The following NXPE4 variants were observed in gnomAD, a reference collection of about 807,000 sequenced individuals.
The protein encoded by NXPE4 is neurexophilin and PC-esterase domain family member 4, also known as NXPE family member 4.
A neutral mutation model predicts 33.3 loss-of-function variants in NXPE4; 42 were observed. The observed-to-expected ratio is 1.26, with a 90% CI of 0.98 to 1.63. The LOEUF (loss-of-function observed/expected upper bound fraction) is 1.63. NXPE4 is among the 40% of genes most tolerant of loss of function. NXPE4 has a pLI of 0.00. For missense variants in NXPE4, 709 were observed against 647.6 expected (o/e 1.09, Z -1.03); for synonymous variants, 253 against 234.9 (o/e 1.08, Z -0.71).
At chr11:114,647,271 T>C in the NXPE4 span, among the ~76,000 whole-genome samples, 1 of 152,222 alleles carries the variant, frequency 6.6e-6, no homozygotes, top group Admixed American at 6.5e-5. Flanking sequence ...CTAAGTTAAA[T>C]GGGCCTGTAA....
At chr11:114,584,452 A>G (rs1368699453) in intron 2 of NXPE4, 1 of 206,854 alleles carries the variant, frequency 4.8e-6, no homozygotes, top group Non-Finnish European at 1.0e-5. Context: ...AATGAAGAAG[A>G]CCCTGACAAG....
At chr11:114,630,883 T>C in the NXPE4 span, among the ~76,000 whole-genome samples, 1,710 of 151,400 alleles carry the variant, frequency 0.011, 31 homozygotes, top group African/African-American at 0.037. Flanking sequence ...AGACACTTCT[T>C]AAAAGAAGAC....
At position 114,582,811 on chromosome 11, in the gene NXPE4, T is replaced by C; in HGVS notation, c.307A>G (p.Thr103Ala). ...TTTSATHSTA[T>A]ILNPRDTYCR... is the part of the protein sequence containing the mutation. ...TACGTATCTCGAGGGTTGAGGATGGTGGCTGTGCTATGTGTGGCGCTGGTG... is the reference window on the plus strand; with the variant it reads ...TACGTATCTCGAGGGTTGAGGATGGCGGCTGTGCTATGTGTGGCGCTGGTG... Residue 103 changes from threonine (T) to alanine (A), a missense_variant, in exon 3 of 6, where the codon ACC (threonine) becomes GCC (alanine). Transcript: ENST00000375478. 6.2e-7 allele frequency: 1 copy of C among 1,614,146 alleles called. No individual in the cohort carries two copies. Among genetic ancestry groups the C allele is most frequent in the Middle Eastern group, 1.6e-4 (1 of 6,062 alleles).
intron 2 of NXPE4, among the ~76,000 whole-genome samples, chr11:114,587,618 T>C (rs1424903125): frequency 6.6e-6 from 1 of 152,174 alleles, no homozygotes; most frequent in Non-Finnish European, 1.5e-5. Flanking sequence ...CTTGCATCAA[T>C]GGATGGCACC....
At chr11:114,624,057 G>A in the NXPE4 span, among the ~76,000 whole-genome samples, 2 of 151,108 alleles carry the variant, frequency 1.3e-5, no homozygotes, top group African/African-American at 4.9e-5. Flanking sequence ...TGGATAATGA[G>A]TGTTGTCTTG....
intron 2 of NXPE4, among the ~76,000 whole-genome samples, chr11:114,591,734 C>G (rs1425981261): frequency 6.6e-6 from 1 of 152,052 alleles, no homozygotes; most frequent in Non-Finnish European, 1.5e-5. Context: ...CAATAAATTC[C>G]ATGCCCCCTC....
chr11:114,661,020 G>A, the NXPE4 span, among the ~76,000 whole-genome samples: 2 of 151,944 alleles, frequency 1.3e-5, no homozygotes, highest in Non-Finnish European at 2.9e-5. Context: ...AGAATGGCAC[G>A]GAAAACATGA....
chr11:114,626,153 T>C, the NXPE4 span, among the ~76,000 whole-genome samples: 3 of 152,208 alleles, frequency 2.0e-5, no homozygotes, highest in South Asian at 6.2e-4. Context: ...GCCGGGAAGC[T>C]CGAACTGGGT....
the NXPE4 span, among the ~76,000 whole-genome samples, chr11:114,628,068 A>G: frequency 1.6e-4 from 24 of 149,866 alleles, no homozygotes; most frequent in Non-Finnish European, 3.1e-4. Flanking sequence ...CACGTTAATA[A>G]TGGGAGACTT....
the NXPE4 span, among the ~76,000 whole-genome samples, chr11:114,651,794 GAC>G: frequency 6.6e-6 from 1 of 152,144 alleles, no homozygotes; most frequent in Non-Finnish European, 1.5e-5. Flanking sequence ...CCTTTAGCTA[GAC>G]ACAGAGTGCT....
the NXPE4 span, among the ~76,000 whole-genome samples, chr11:114,624,266 A>T: frequency 1.3e-5 from 2 of 151,852 alleles, no homozygotes; most frequent in Admixed American, 6.6e-5. Context: ...GTGGATAATA[A>T]ATATTGCCTC....
the NXPE4 span, among the ~76,000 whole-genome samples, chr11:114,623,894 G>T: frequency 6.6e-6 from 1 of 152,012 alleles, no homozygotes; most frequent in Admixed American, 6.6e-5. Context: ...AGTAAGTATT[G>T]CCCCTAGGGT....
At chr11:114,629,070 C>A in the NXPE4 span, among the ~76,000 whole-genome samples, 1 of 152,058 alleles carries the variant, frequency 6.6e-6, no homozygotes, top group Non-Finnish European at 1.5e-5. Context: ...CAGATGGATT[C>A]ACAGTCGAAT....
upstream of NXPE4, among the ~76,000 whole-genome samples, chr11:114,597,605 C>T (rs562139491): frequency 3.3e-5 from 5 of 152,206 alleles, no homozygotes; most frequent in African/African-American, 1.2e-4. Flanking sequence ...CACCTAGTGC[C>T]TAGACCTTGG....
chr11:114,628,947 A>G, the NXPE4 span, among the ~76,000 whole-genome samples: 1 of 152,046 alleles, frequency 6.6e-6, no homozygotes. Context: ...TCCTCGACAC[A>G]TACACCCTCC....
chr11:114,648,241 C>T, the NXPE4 span, among the ~76,000 whole-genome samples: 3 of 151,916 alleles, frequency 2.0e-5, no homozygotes, highest in Admixed American at 2.0e-4. Context: ...GGCTACTCAC[C>T]AGTCTGAATT....
the NXPE4 span, among the ~76,000 whole-genome samples, chr11:114,621,512 G>T: frequency 6.6e-6 from 1 of 152,128 alleles, no homozygotes; most frequent in African/African-American, 2.4e-5. Flanking sequence ...AATAAGTATT[G>T]CCTCGTGTGT....
At chr11:114,632,957 T>C in the NXPE4 span, among the ~76,000 whole-genome samples, 3 of 102,844 alleles carry the variant, frequency 2.9e-5, no homozygotes, top group Non-Finnish European at 5.2e-5. Context: ...TGATATTTTA[T>C]ATAATTATAT....
chr11:114,623,158 G>A, the NXPE4 span, among the ~76,000 whole-genome samples: 16 of 151,968 alleles, frequency 1.1e-4, no homozygotes, highest in African/African-American at 3.6e-4. Flanking sequence ...GGTAACCAGT[G>A]TTAACCGGTG....
Sources: gnomAD v4.1 joint callset for allele counts (sites outside exome capture counted in the v4.1 genomes callset) on GRCh38, gnomAD v4.1.1 for gene constraint, MANE v1.5 for transcripts, NCBI Gene and HGNC (gene_info 2026-07-23, HGNC 2026-07-21) for gene names.